HIVEP2: variants seen among roughly 807,000 people sequenced by gnomAD.
HIVEP2 encodes transcription factor HIVEP2.
Under a neutral mutation model 180.7 loss-of-function variants are expected in HIVEP2, and 14 were observed. That is an observed-to-expected ratio of 0.08 (90% CI 0.05 to 0.12). The LOEUF (loss-of-function observed/expected upper bound fraction) is 0.12, where lower values mean the gene tolerates loss of function less well. HIVEP2 is among the 10% of genes least tolerant of loss of function. HIVEP2 has a pLI of 1.00. For missense variants in HIVEP2, 2,579 were observed against 3,008.5 expected (o/e 0.86, Z 3.34); for synonymous variants, 1,184 against 1,136.4 (o/e 1.04, Z -0.84).
chr6:142,768,318 A>G, intron 6 of HIVEP2, 64 bp downstream of exon 6: 2 of 1,449,292 alleles, frequency 1.4e-6, no homozygotes, highest in African/African-American at 2.9e-5. Context: ...TTCCATGCAG[A>G]CATTCTGGAC....
rs1440248444 is a variant in HIVEP2 at position 142,943,945 on chromosome 6, C to A, written c.-641+1154G>T. On this transcript the variant is annotated intron_variant, in intron 1 of 9. Coordinates refer to ENST00000367603, the MANE Select transcript of HIVEP2 (RefSeq NM_006734.4). This position sits in a 1 kb window ranked among gnomAD's most constrained non-coding sequence, Gnocchi z 4.5. ...GCCGCCCACACATTATTGCTTCTCTCCTCCAAGTGTCTTGATTAAGGACCC... is the reference window on the plus strand; with the variant it reads ...GCCGCCCACACATTATTGCTTCTCTACTCCAAGTGTCTTGATTAAGGACCC... Among the ~76,000 whole-genome samples the A allele has an allele frequency of 6.6e-6, 1 of 152,190 alleles. No individual in the cohort carries two copies. Among genetic ancestry groups the A allele is most frequent in the East Asian group, 1.9e-4 (1 of 5,196 alleles).
chr6:142,847,935 A>G (rs1775558109), intron 1 of HIVEP2, among the ~76,000 whole-genome samples: 1 of 152,254 alleles, frequency 6.6e-6, no homozygotes, highest in Non-Finnish European at 1.5e-5. Context: ...AAAAGGAAAC[A>G]CAGTTATATA....
intron 3 of HIVEP2, among the ~76,000 whole-genome samples, chr6:142,777,227 C>T (rs1031158586): frequency 2.6e-5 from 4 of 152,018 alleles, no homozygotes; most frequent in South Asian, 2.1e-4. Context: ...GTACAAGAAC[C>T]GCTTAAATAA....
intron 2 of HIVEP2, among the ~76,000 whole-genome samples, chr6:142,798,274 AAAAAGAAAAGAAAAG>A (rs547612498): frequency 6.6e-6 from 1 of 152,084 alleles, no homozygotes; most frequent in African/African-American, 2.4e-5. Context: ...GTCTCAAAAA[AAAAAGAAAAGAAAAG>A]AAAAGAAAAG....
At chr6:142,910,510 G>C (rs1218585733) in intron 1 of HIVEP2, among the ~76,000 whole-genome samples, 1 of 152,230 alleles carries the variant, frequency 6.6e-6, no homozygotes, top group African/African-American at 2.4e-5. Context: ...GCTGAGGCAG[G>C]AGAATTGTTT....
rs1775554077 is a variant in HIVEP2, at chr6:142,771,833, T to C, written c.2906A>G (p.Gln969Arg). ...GGAGCTGTGGGACAAGTTGCTTTCT[T>C]GGCTGGGGCTGCGGGAGAGGCCTGT... is the stretch of plus-strand genomic sequence containing the variant. ...TGTGLSRSPS[Q>R]ESNLSHSSSF... Residue 969 changes from glutamine (Q) to arginine (R), a missense_variant, in exon 5 of 10, where the codon CAA becomes CGA. Physicochemically the swap from Gln to Arg is conservative, Grantham distance 43. Coordinates refer to ENST00000367603, the MANE Select transcript of HIVEP2 (RefSeq NM_006734.4). The surrounding 1 kb of genome is among the most constrained non-coding windows in gnomAD (Gnocchi z 5.4). The C allele has an allele frequency of 5.6e-6, 9 of 1,614,222 alleles. No homozygotes were observed. Among genetic ancestry groups the C allele is most frequent in the Non-Finnish European group, 7.6e-6 (9 of 1,180,036 alleles).
At chr6:142,843,320 T>C (rs1006823213) in intron 1 of HIVEP2, among the ~76,000 whole-genome samples, 8 of 150,688 alleles carry the variant, frequency 5.3e-5, no homozygotes, top group Admixed American at 1.3e-4. Flanking sequence ...TGCCAGTTGT[T>C]ATAATAAAGT....
chr6:142,798,407 T>C (rs964251425), intron 2 of HIVEP2, among the ~76,000 whole-genome samples: 3 of 152,170 alleles, frequency 2.0e-5, no homozygotes, highest in African/African-American at 7.2e-5. Context: ...CATTTTTGCT[T>C]TAGATAGTTC....
intron 2 of HIVEP2, among the ~76,000 whole-genome samples, chr6:142,807,740 C>T (rs1776588531): frequency 6.6e-6 from 1 of 152,090 alleles, no homozygotes; most frequent in Admixed American, 6.6e-5. Context: ...GACTCTAGGA[C>T]AAGTCAAAGT....
At position 142,770,569 on chromosome 6, in the gene HIVEP2, G is replaced by A. The variant is rs376747631; in HGVS notation, c.4170C>T (p.Asn1390=). 6.2e-7 allele frequency: 1 copy of A among 1,614,222 alleles called. No individual in the cohort carries two copies. The highest frequency in any genetic ancestry group is 8.5e-7 in the Non-Finnish European group (1 of 1,180,046). The stretch of plus-strand genomic sequence containing the variant: ...CATGCTGCCCCAGCACCTGGGCAAT[G>A]TTGAATCCTATCCCTTGCATGGCTG... ...TNAAMQGIGF[N]IAQVLGQHAG... is the part of the protein sequence containing the mutation. Residue 1390 remains asparagine, a synonymous_variant, in exon 5 of 10, where the codon AAC becomes AAT. Transcript: ENST00000367603. This position sits in a 1 kb window ranked among gnomAD's most constrained non-coding sequence, Gnocchi z 4.7.
Position 142,769,738 on chromosome 6 carries a change from G to A in HIVEP2, c.5001C>T (p.Ser1667=), listed in dbSNP as rs1295997358. The A allele has an allele frequency of 1.2e-6, 2 of 1,614,198 alleles. No homozygotes were observed. Among genetic ancestry groups the A allele is most frequent in the Non-Finnish European group, 8.5e-7 (1 of 1,180,040 alleles). ...TAATGCACCATGAAGCATAAACCGA[G>A]GATTTGAAGGTGGCCTGTTGCACAT... ...PNYVQQATFK[S]SVYASWCISS... Residue 1667 remains serine (S), a synonymous_variant, in exon 5 of 10, where the codon TCC becomes TCT. Transcript: ENST00000367603.
chr6:142,775,440 G>A (rs1318897601), intron 4 of HIVEP2, among the ~76,000 whole-genome samples: 1 of 151,954 alleles, frequency 6.6e-6, no homozygotes, highest in Non-Finnish European at 1.5e-5. Context: ...GTTTTAGAAA[G>A]CCCCATTAAA....
chr6:142,796,490 T>C (rs560514141), intron 2 of HIVEP2, among the ~76,000 whole-genome samples: 1 of 152,108 alleles, frequency 6.6e-6, no homozygotes, highest in Admixed American at 6.6e-5. Context: ...AAGAAAATCA[T>C]AAGGAAGTGA....
chr6:142,920,828 A>T (rs1484150821), intron 1 of HIVEP2, among the ~76,000 whole-genome samples: 2 of 152,156 alleles, frequency 1.3e-5, no homozygotes, highest in Admixed American at 1.3e-4. Flanking sequence ...CAAAAAATTT[A>T]AAAAATTAGC....
At chr6:142,920,207 T>C (rs873333) in intron 1 of HIVEP2, among the ~76,000 whole-genome samples, 4 of 152,256 alleles carry the variant, frequency 2.6e-5, no homozygotes, top group African/African-American at 4.8e-5. Context: ...CACAGAGTTA[T>C]AGCTAAAAAG....
At chr6:142,899,349 C>T (rs1311956318) in intron 1 of HIVEP2, among the ~76,000 whole-genome samples, 2 of 152,222 alleles carry the variant, frequency 1.3e-5, no homozygotes, top group African/African-American at 4.8e-5. Flanking sequence ...AGTAAAGCTG[C>T]TGCATTGCTT....
chr6:142,919,571 C>A (rs1777640842), intron 1 of HIVEP2, among the ~76,000 whole-genome samples: 1 of 152,120 alleles, frequency 6.6e-6, no homozygotes, highest in South Asian at 2.1e-4. Flanking sequence ...TGTCACAATG[C>A]AGTTTATAAT....
chr6:142,838,318 A>G (rs1461413048), intron 1 of HIVEP2, among the ~76,000 whole-genome samples: 1 of 152,138 alleles, frequency 6.6e-6, no homozygotes, highest in African/African-American at 2.4e-5. Context: ...TCATTTGGAC[A>G]TGGTCTCAAA....
At chr6:142,794,679 T>A (rs1490745352) in intron 2 of HIVEP2, among the ~76,000 whole-genome samples, 1 of 152,210 alleles carries the variant, frequency 6.6e-6, no homozygotes, top group Non-Finnish European at 1.5e-5. Flanking sequence ...CAAATGCATC[T>A]GACATATTCT....
Sources: gnomAD v4.1 joint callset for allele counts (sites outside exome capture counted in the v4.1 genomes callset) on GRCh38, gnomAD v4.1.1 for gene constraint, Gnocchi (gnomAD v3.1) non-coding constraint, MANE v1.5 for transcripts, NCBI Gene and HGNC (gene_info 2026-07-23, HGNC 2026-07-21) for gene names.